Variants in HECW1 observed in about 807,000 individuals in gnomAD.
HECW1 encodes the protein E3 ubiquitin-protein ligase HECW1.
HECW1 carries 61 observed loss-of-function variants against 182.3 expected under a neutral mutation model. The ratio of observed to expected loss-of-function variants is 0.33; its 90% confidence interval spans 0.27 to 0.41. The LOEUF is 0.41. Among genes scored for constraint, HECW1 ranks in the 10% least tolerant of loss-of-function variants. The pLI, the probability that HECW1 is intolerant of heterozygous loss-of-function variation, is 1.00. For synonymous variants in HECW1, 859 were observed against 832.6 expected, an observed-to-expected ratio of 1.03 and a Z score of -0.55; for missense variants, 1,739 against 2,108.9, an observed-to-expected ratio of 0.82 and a Z score of 3.44.
chr7:43,184,864 C>T lies in HECW1; in HGVS notation c.-31-59011C>T, dbSNP rs149593914. Reference sequence around the variant, plus strand: ...GTGATAGCGGAAGGTGAAGGGGAAGCAGGCAGGTCTTACATGGCTGGAGCA... The same window carrying T: ...GTGATAGCGGAAGGTGAAGGGGAAGTAGGCAGGTCTTACATGGCTGGAGCA... On this transcript the variant is annotated intron_variant, in intron 2 of 29. Coordinates refer to ENST00000395891, the MANE Select transcript of HECW1 (RefSeq NM_015052.5). Among the ~76,000 whole-genome samples the T allele has an allele frequency of 1.1e-3, 168 of 152,116 alleles. 4 individuals carry two copies. Among genetic ancestry groups the T allele is most frequent in the Admixed American group, 9.7e-3 (148 of 15,258 alleles).
At chr7:43,252,000 C>G (rs1800086171) in intron 3 of HECW1, among the ~76,000 whole-genome samples, 1 of 152,138 alleles carries the variant, frequency 6.6e-6, no homozygotes, top group Non-Finnish European at 1.5e-5. Flanking sequence ...GTAAGAATCT[C>G]AGCATCCAGC....
chr7:43,238,665 T>C (rs1798600226), intron 2 of HECW1, among the ~76,000 whole-genome samples: 1 of 152,194 alleles, frequency 6.6e-6, no homozygotes, highest in African/African-American at 2.4e-5. Flanking sequence ...TGAAAAAATG[T>C]ATGAATGAAT....
intron 3 of HECW1, chr7:43,274,395 C>A: frequency 1.6e-6 from 1 of 632,594 alleles, no homozygotes; most frequent in South Asian, 1.8e-5. Context: ...AGAACTTCAG[C>A]GTCTGGCTGC....
At chr7:43,390,478 C>T (rs2074980401) in intron 6 of HECW1, among the ~76,000 whole-genome samples, 2 of 148,802 alleles carry the variant, frequency 1.3e-5, no homozygotes, top group African/African-American at 5.0e-5. Flanking sequence ...GAAGTCAAAG[C>T]TGCAGTGAGC....
chr7:43,176,894 C>T (rs1317097807), intron 2 of HECW1, among the ~76,000 whole-genome samples: 1 of 152,176 alleles, frequency 6.6e-6, no homozygotes, highest in Non-Finnish European at 1.5e-5. Flanking sequence ...AGGCCACCTG[C>T]ATTGCAATTA....
At chr7:43,489,137 T>C (rs945876222) in intron 17 of HECW1, among the ~76,000 whole-genome samples, 1 of 152,194 alleles carries the variant, frequency 6.6e-6, no homozygotes. Flanking sequence ...AAATGTTTCC[T>C]GAGTCCAGTG....
rs2079730502 is a variant in HECW1 at position 43,509,043 on chromosome 7, T to C, written c.3941T>C (p.Leu1314Pro). 1 of 1,614,046 alleles carries C rather than the reference T, an allele frequency of 6.2e-7. No individual in the cohort carries two copies. ...SQELFNPYYG[L>P]FEYSANDTYT... is the part of the protein sequence containing the mutation. The stretch of plus-strand genomic sequence containing the variant: ...GAGCTCTTCAACCCTTACTATGGAC[T>C]CTTTGAGTACTCGGCAAATGATACT... The change falls in exon 24 of 30, where the codon CTC becomes CCC. Residue 1314 changes from leucine (L) to proline (P), a missense_variant. Around this residue, in one of 5 missense-constraint regions of HECW1, gnomAD observed 420 missense variants for 595.7 expected, o/e 0.71. Coordinates refer to ENST00000395891, the MANE Select transcript of HECW1 (RefSeq NM_015052.5).
intron 2 of HECW1, among the ~76,000 whole-genome samples, chr7:43,236,627 C>T (rs767915246): frequency 6.6e-6 from 1 of 152,090 alleles, no homozygotes; most frequent in East Asian, 1.9e-4. Context: ...ATCAGCCTTT[C>T]GCTGAATACT....
Position 43,445,551 on chromosome 7 carries a change from T to C in HECW1, c.2379T>C (p.Gly793=), listed in dbSNP as rs1177296318. ...SPEGLESPVA[G]PSNRREGECP... ...AAGGTCTGGAATCCCCCGTGGCAGG[T>C]CCAAGCAATCGGAGAGAAGGTTAGA... is the stretch of plus-strand genomic sequence containing the variant. The change falls in exon 11 of 30, where the codon GGT becomes GGC. Residue 793 remains glycine, a synonymous_variant. Transcript: ENST00000395891. 6.3e-7 allele frequency: 1 copy of C among 1,594,916 alleles called. No individual in the cohort carries two copies. Among genetic ancestry groups the C allele is most frequent in the South Asian group, 1.1e-5 (1 of 89,936 alleles).
intron 6 of HECW1, among the ~76,000 whole-genome samples, chr7:43,361,867 G>A (rs1206910318): frequency 4.0e-5 from 5 of 125,326 alleles, no homozygotes; most frequent in East Asian, 2.4e-4. Flanking sequence ...CAGGCCAGGC[G>A]CAGTGGCTCA....
intron 3 of HECW1, among the ~76,000 whole-genome samples, chr7:43,302,372 G>A (rs989491123): frequency 2.6e-5 from 4 of 152,236 alleles, no homozygotes; most frequent in South Asian, 4.1e-4. Flanking sequence ...TCAGCTTCCC[G>A]GTGAATAAGA....
chr7:43,207,253 G>A (rs1795565449), intron 2 of HECW1, among the ~76,000 whole-genome samples: 1 of 152,030 alleles, frequency 6.6e-6, no homozygotes, highest in Non-Finnish European at 1.5e-5. Context: ...CACCATGTTG[G>A]CCAGGCTGGT....
At position 43,320,078 on chromosome 7, in the gene HECW1, G is replaced by A. The variant is rs138735204; in HGVS notation, c.353-557G>A. 2.6e-5 allele frequency among the ~76,000 whole-genome samples: 4 copies of A among 152,282 alleles called. No homozygotes were observed. In the East Asian group the frequency reaches 7.7e-4, roughly 29 times the overall value. ...TTCCCCAGCATCTGGCAGATGGTTA[G>A]ATTTCAGCTGCTGAATGAACAATGA... On this transcript the variant is annotated intron_variant, in intron 4 of 29. Coordinates refer to ENST00000395891, the MANE Select transcript of HECW1 (RefSeq NM_015052.5).
intron 2 of HECW1, among the ~76,000 whole-genome samples, chr7:43,218,122 C>T (rs1247866309): frequency 6.6e-6 from 1 of 152,216 alleles, no homozygotes; most frequent in East Asian, 1.9e-4. Context: ...GCTTTAGAAA[C>T]AGGATTTTGC....
intron 24 of HECW1, among the ~76,000 whole-genome samples, chr7:43,536,688 G>T (rs778901486): frequency 1.2e-4 from 18 of 152,258 alleles, no homozygotes; most frequent in Non-Finnish European, 8.8e-5. Flanking sequence ...AGGGAGCCAG[G>T]GTGCCCAACA....
intron 5 of HECW1, among the ~76,000 whole-genome samples, chr7:43,346,304 T>C (rs771947534): frequency 3.9e-5 from 6 of 152,146 alleles, no homozygotes; most frequent in Non-Finnish European, 7.4e-5. Flanking sequence ...CTTTTGAGAA[T>C]TGTCTATTCA....
intron 2 of HECW1, among the ~76,000 whole-genome samples, chr7:43,117,156 G>A (rs1258548773): frequency 6.6e-6 from 1 of 152,146 alleles, no homozygotes; most frequent in Admixed American, 6.5e-5. Context: ...GGTGGAAAAA[G>A]TATGCAATCT....
At chr7:43,282,942 A>G (rs568090313) in intron 3 of HECW1, among the ~76,000 whole-genome samples, 38 of 152,206 alleles carry the variant, frequency 2.5e-4, no homozygotes, top group African/African-American at 9.1e-4. Context: ...ACATGGGAAA[A>G]CCCCATCCCT....
At chr7:43,153,475 G>A (rs935208040) in intron 2 of HECW1, among the ~76,000 whole-genome samples, 1 of 152,164 alleles carries the variant, frequency 6.6e-6, no homozygotes, top group Non-Finnish European at 1.5e-5. Context: ...GGGGAAAAAA[G>A]TCTTTCTCAT....
Sources: allele counts gnomAD v4.1 joint callset (sites outside exome capture counted in the v4.1 genomes callset), GRCh38; gene constraint gnomAD v4.1.1; regional missense constraint gnomAD v4.1.1; transcripts MANE v1.5; gene names NCBI Gene and HGNC (gene_info 2026-07-23, HGNC 2026-07-21).